CDH12: variants seen among roughly 807,000 people sequenced by gnomAD.
CDH12 encodes cadherin 12.
In CDH12, 41 loss-of-function variants were observed where a neutral mutation model predicts 74.1. The observed-to-expected ratio is 0.55, with a 90% CI of 0.43 to 0.72. The LOEUF (loss-of-function observed/expected upper bound fraction) is 0.72, where lower values mean the gene tolerates loss of function less well. Among genes scored for constraint, CDH12 ranks in the 30% least tolerant of loss-of-function variants. CDH12 has a pLI of 0.00. For synonymous variants in CDH12, 399 were observed against 355.0 expected (o/e 1.12, Z -1.39); for missense variants, 945 against 977.2 (o/e 0.97, Z 0.44).
At chr5:21,987,098 C>T (rs1757549461) in intron 5 of CDH12, among the ~76,000 whole-genome samples, 1 of 152,048 alleles carries the variant, frequency 6.6e-6, no homozygotes, top group African/African-American at 2.4e-5. Flanking sequence ...TTCTGTTAGT[C>T]TTTATTATCA....
At chr5:22,793,054 C>A (rs1299895663) in intron 1 of CDH12, among the ~76,000 whole-genome samples, 2 of 152,190 alleles carry the variant, frequency 1.3e-5, no homozygotes, top group Admixed American at 6.5e-5. Flanking sequence ...AGGTGCCTGG[C>A]AATCACTTCT....
intron 6 of CDH12, among the ~76,000 whole-genome samples, chr5:21,966,473 G>T (rs1756591169): frequency 6.6e-6 from 1 of 152,104 alleles, no homozygotes; most frequent in South Asian, 2.1e-4. Flanking sequence ...AGTTTAGCTT[G>T]CTGCCCCTGC....
chr5:22,812,784 T>G (rs698900), intron 1 of CDH12, among the ~76,000 whole-genome samples: 3,718 of 152,204 alleles, frequency 0.024, 155 homozygotes, highest in African/African-American at 0.083. Context: ...TGAGTCAGAT[T>G]TAGATGTCAT....
At chr5:22,313,330 G>GA (rs201567174) in intron 3 of CDH12, among the ~76,000 whole-genome samples, 43 of 151,302 alleles carry the variant, frequency 2.8e-4, no homozygotes, top group East Asian at 7.8e-4. Flanking sequence ...GTCAAATGAG[G>GA]AAAAAAAAGG....
intron 6 of CDH12, among the ~76,000 whole-genome samples, chr5:21,900,821 A>G (rs1753351589): frequency 6.6e-6 from 1 of 152,212 alleles, no homozygotes; most frequent in African/African-American, 2.4e-5. Flanking sequence ...GCTCAGAATG[A>G]CGATGGGCTA....
chr5:21,973,590 T>C (rs1386008604), intron 6 of CDH12, among the ~76,000 whole-genome samples: 1 of 152,154 alleles, frequency 6.6e-6, no homozygotes, highest in Non-Finnish European at 1.5e-5. Context: ...TGTAGAGGCA[T>C]GTGTGTGTGT....
intron 3 of CDH12, among the ~76,000 whole-genome samples, chr5:22,262,132 T>G (rs1027729451): frequency 6.6e-6 from 1 of 152,056 alleles, no homozygotes; most frequent in African/African-American, 2.4e-5. Flanking sequence ...CTTTTTTTTT[T>G]TATACTTTAA....
intron 1 of CDH12, among the ~76,000 whole-genome samples, chr5:22,833,469 C>A (rs1374328325): frequency 6.6e-6 from 1 of 152,096 alleles, no homozygotes; most frequent in Non-Finnish European, 1.5e-5. Context: ...AAAGACACAC[C>A]TTTTCATTGC....
chr5:22,589,638 C>G (rs535995414), intron 1 of CDH12, among the ~76,000 whole-genome samples: 1 of 152,282 alleles, frequency 6.6e-6, no homozygotes, highest in South Asian at 2.1e-4. Context: ...CCTTAGAACA[C>G]TTTTCCTCGG....
chr5:22,839,158 A>C (rs1230651212), intron 1 of CDH12, among the ~76,000 whole-genome samples: 1 of 152,140 alleles, frequency 6.6e-6, no homozygotes, highest in Non-Finnish European at 1.5e-5. Flanking sequence ...GAGTTAGAAA[A>C]ATTAAGGGGT....
rs868223720 is a variant in CDH12, at chr5:22,673,808, G to A, written c.-522-168444C>T. Among the ~76,000 whole-genome samples, 11 of 152,112 alleles carry A rather than the reference G, an allele frequency of 7.2e-5. No individual in the cohort carries two copies. The South Asian group carries it at 1.2e-3, about 17-fold the overall frequency. ...ATGGTAATAAGGAAAAATAGTTACT[G>A]TATACTTACATTCTAGTGAAACTGA... is the stretch of plus-strand genomic sequence containing the variant. On this transcript the variant is annotated intron_variant, in intron 1 of 14. Transcript: ENST00000382254.
chr5:22,775,975 T>A (rs1443790066), intron 1 of CDH12, among the ~76,000 whole-genome samples: 1 of 152,126 alleles, frequency 6.6e-6, no homozygotes, highest in Non-Finnish European at 1.5e-5. Context: ...TTCCTCATTT[T>A]TCTCTTGCTG....
intron 4 of CDH12, among the ~76,000 whole-genome samples, chr5:22,093,309 G>A (rs1447741924): frequency 6.6e-6 from 1 of 152,130 alleles, no homozygotes; most frequent in Non-Finnish European, 1.5e-5. Flanking sequence ...GAAAATTTGA[G>A]TTTGACTCTG....
At chr5:21,795,221 A>ATTT (rs1746714887) in intron 10 of CDH12, among the ~76,000 whole-genome samples, 1 of 151,558 alleles carries the variant, frequency 6.6e-6, no homozygotes, top group South Asian at 2.1e-4. Flanking sequence ...ATTTTTTTTA[A>ATTT]GATAGCATTT....
chr5:22,458,859 A>ATGGCAGTTGTTTATTTCAAC (rs1745394299), intron 2 of CDH12, among the ~76,000 whole-genome samples: 2 of 152,184 alleles, frequency 1.3e-5, no homozygotes, highest in Admixed American at 1.3e-4. Flanking sequence ...TTCAACTTAG[A>ATGGCAGTTGTTTATTTCAAC]AAACTAAATG....
At chr5:22,834,357 G>A (rs144261930) in intron 1 of CDH12, among the ~76,000 whole-genome samples, 24 of 152,224 alleles carry the variant, frequency 1.6e-4, no homozygotes, top group African/African-American at 5.5e-4. Context: ...TATTTGCAGA[G>A]AGATTTAATG....
At chr5:22,534,312 T>C (rs1212374788) in intron 1 of CDH12, among the ~76,000 whole-genome samples, 5 of 152,110 alleles carry the variant, frequency 3.3e-5, no homozygotes, top group Non-Finnish European at 7.4e-5. Context: ...CGGAGCAGTA[T>C]ACCCTGCACA....
At chr5:22,028,879 A>G (rs1012740945) in intron 5 of CDH12, among the ~76,000 whole-genome samples, 22 of 152,238 alleles carry the variant, frequency 1.4e-4, no homozygotes, top group African/African-American at 5.3e-4. Flanking sequence ...AGGCTACAGT[A>G]ACCAAAACAG....
intron 7 of CDH12, among the ~76,000 whole-genome samples, chr5:21,850,531 C>A (rs1188441197): frequency 6.6e-6 from 1 of 151,462 alleles, no homozygotes; most frequent in Non-Finnish European, 1.5e-5. Flanking sequence ...GAGTTATTGG[C>A]CCAAGCTTTA....
Sources: gnomAD v4.1 joint callset for allele counts (sites outside exome capture counted in the v4.1 genomes callset) on GRCh38, gnomAD v4.1.1 for gene constraint, MANE v1.5 for transcripts, NCBI Gene and HGNC (gene_info 2026-07-23, HGNC 2026-07-21) for gene names.